RBM26: variants seen among roughly 807,000 people sequenced by gnomAD.
The protein encoded by RBM26 is RNA binding motif protein 26.
In RBM26, 30 loss-of-function variants were observed where a neutral mutation model predicts 123.6. The observed-to-expected ratio is 0.24, with a 90% confidence interval of 0.18 to 0.33. The LOEUF is 0.33. Among genes scored for constraint, RBM26 ranks in the 10% least tolerant of loss-of-function variants. The probability of loss-of-function intolerance (pLI) is 1.00; values close to 1 mark genes in which losing one functional copy is unlikely to be tolerated. For synonymous variants in RBM26, 400 were observed against 404.4 expected (o/e 0.99, Z 0.13); for missense variants, 947 against 1,203.6 (o/e 0.79, Z 3.15).
intron 11 of RBM26, among the ~76,000 whole-genome samples, chr13:79,355,618 A>C (rs2073881275): frequency 6.6e-6 from 1 of 152,224 alleles, no homozygotes; most frequent in Non-Finnish European, 1.5e-5. Flanking sequence ...AGTCGACTGC[A>C]TAAATGTTAC....
At chr13:79,336,282 TTA>T (rs1172518934) in intron 19 of RBM26, among the ~76,000 whole-genome samples, 1 of 152,210 alleles carries the variant, frequency 6.6e-6, no homozygotes, top group Admixed American at 6.5e-5. Context: ...ACTAAAGTAT[TTA>T]TAGTGCTTAA....
intron 1 of RBM26, among the ~76,000 whole-genome samples, chr13:79,386,516 G>C (rs193030644): frequency 7.2e-6 from 1 of 138,954 alleles, no homozygotes; most frequent in Non-Finnish European, 1.5e-5. Context: ...AACAGCAGCA[G>C]CCCAAATGAC....
chr13:79,392,020 T>TATATAATTATATATTATACAATAC (rs1566580331), intron 1 of RBM26, among the ~76,000 whole-genome samples: 1 of 122,800 alleles, frequency 8.1e-6, no homozygotes, highest in Non-Finnish European at 1.7e-5. Context: ...TATTATACAT[T>TATATAATTATATATTATACAATAC]ATTATATAAT....
intron 5 of RBM26, among the ~76,000 whole-genome samples, chr13:79,369,958 T>A (rs2075709507): frequency 6.6e-6 from 1 of 152,124 alleles, no homozygotes; most frequent in African/African-American, 2.4e-5. Context: ...CATCCCTCCT[T>A]TACTCCATTT....
intron 1 of RBM26, among the ~76,000 whole-genome samples, chr13:79,396,377 T>C (rs899247832): frequency 1.5e-4 from 23 of 151,900 alleles, no homozygotes; most frequent in Non-Finnish European, 3.1e-4. Flanking sequence ...AATAGCAAAA[T>C]TGATTAAGAA....
At chr13:79,352,938 G>A (rs553888221) in intron 14 of RBM26, among the ~76,000 whole-genome samples, 75 of 152,172 alleles carry the variant, frequency 4.9e-4, no homozygotes, top group Non-Finnish European at 1.0e-3. Context: ...TGGAGTACAT[G>A]GAAATATAGT....
chr13:79,391,367 A>C (rs1335473144), intron 1 of RBM26, among the ~76,000 whole-genome samples: 2 of 152,236 alleles, frequency 1.3e-5, no homozygotes, highest in Non-Finnish European at 2.9e-5. Context: ...CTACAATAGA[A>C]AATCCAAACC....
exon 5 of RBM26, chr13:79,312,547 T>G (rs538020531): frequency 1.8e-4 from 27 of 152,134 alleles, no homozygotes; most frequent in African/African-American, 6.3e-4. Context: ...CATGGGAATT[T>G]AAAGCAAAGC....
chr13:79,377,361 A>T lies in RBM26; in HGVS notation c.327+18T>A, dbSNP rs770046959. On this transcript the variant is annotated intron_variant, in intron 3 of 21. Transcript: ENST00000438737. ...TATGTGTTTAAATAACCTGTAAGGT[A>T]TTAACACAAATCGTTACCTCTTCCT... The T allele has an allele frequency of 1.6e-5, 26 of 1,606,056 alleles. No individual in the cohort carries two copies. Among genetic ancestry groups the T allele is most frequent in the African/African-American group, 2.7e-5 (2 of 74,752 alleles).
Position 79,366,701 on chromosome 13 carries a change from G to A in RBM26, c.1067C>T (p.Pro356Leu), listed in dbSNP as rs757657138. The change falls in exon 7 of 22, where the codon CCA (proline) becomes CTA (leucine). Residue 356 changes from proline to leucine, a missense_variant. Transcript: ENST00000438737. ...LPPPPPILTP[P>L]PVNLRPPVPP... ...TACTGGGGGCCTGAGATTCACAGGT[G>A]GGGGTGTAAGAATTGGTGGAGGTGG... 1 of 1,609,584 alleles carries A rather than the reference G, an allele frequency of 6.2e-7. No individual in the cohort carries two copies. The highest frequency in any genetic ancestry group is 2.2e-5 in the East Asian group (1 of 44,666).
intron 3 of RBM26, chr13:79,376,718 T>C (rs1284736323): frequency 6.6e-6 from 1 of 152,154 alleles, no homozygotes; most frequent in African/African-American, 2.4e-5. Context: ...AACAGACCAA[T>C]TGTCAACCTA....
chr13:79,324,313 G>A (rs764989810), intron 20 of RBM26, among the ~76,000 whole-genome samples: 1 of 151,536 alleles, frequency 6.6e-6, no homozygotes, highest in Non-Finnish European at 1.5e-5. Context: ...AATATCTCTC[G>A]ATGTCCATAC....
chr13:79,405,059 A>G (rs1319671827), intron 1 of RBM26, among the ~76,000 whole-genome samples: 3 of 152,212 alleles, frequency 2.0e-5, no homozygotes, highest in African/African-American at 7.2e-5. Flanking sequence ...TCAGCACTCT[A>G]ACCGCAGCCC....
Position 79,375,035 on chromosome 13 carries a change from ATTT to A in RBM26, c.327+2341_327+2343del, listed in dbSNP as rs36014800. Among the ~76,000 whole-genome samples, 6 of 137,032 alleles carry A rather than the reference ATTT, an allele frequency of 4.4e-5. No individual in the cohort carries two copies. The East Asian group carries it at 1.2e-3, about 29-fold the overall frequency. The allele number at this position is 137,032 out of a possible 152,430, so 89.9% of individuals were successfully genotyped here. A position where few individuals can be genotyped will look rare whatever the true frequency, so the allele number is the denominator to read the frequency against. The stretch of plus-strand genomic sequence containing the variant: ...TATATATATTATATATATTTTATAC[ATTT>A]TTTATATACTATATATTTATATTTT... On this transcript the variant is annotated intron_variant, in intron 3 of 21. Coordinates refer to ENST00000438737, the MANE Select transcript of RBM26 (RefSeq NM_001366735.2).
intron 3 of RBM26, among the ~76,000 whole-genome samples, chr13:79,372,392 T>G (rs1594447462): frequency 6.6e-6 from 1 of 152,174 alleles, no homozygotes; most frequent in East Asian, 1.9e-4. Context: ...TTAAAATTAG[T>G]TTATATAACG....
chr13:79,390,853 A>G (rs566808057), intron 1 of RBM26, among the ~76,000 whole-genome samples: 2 of 152,212 alleles, frequency 1.3e-5, no homozygotes, highest in Admixed American at 1.3e-4. Context: ...AAAAATGAAC[A>G]TTATTGACAG....
At position 79,337,206 on chromosome 13, in the gene RBM26, C is replaced by T. The variant is rs2070580188; in HGVS notation, c.2629G>A (p.Gly877Arg). 6.2e-7 allele frequency: 1 copy of T among 1,614,006 alleles called. No individual in the cohort carries two copies. Among genetic ancestry groups the T allele is most frequent in the Non-Finnish European group, 8.5e-7 (1 of 1,180,016 alleles). The change falls in exon 19 of 22, where the codon GGG (glycine) becomes AGG (arginine). Residue 877 changes from glycine (G) to arginine (R), a missense_variant. Gly to Arg is a moderately radical substitution (Grantham distance 125). This residue lies in a region of RBM26 where 164 missense variants were observed against 215.3 expected (regional missense o/e 0.76). Coordinates refer to ENST00000438737, the MANE Select transcript of RBM26 (RefSeq NM_001366735.2). The stretch of plus-strand genomic sequence containing the variant: ...ACAGCATGACCAGGCACACCTCGCC[C>T]TCGCCCTCGCCCCCTGCCTCGGCCA... The part of the protein sequence containing the change: ...VHGRGRGRGR[G>R]RGVPGHAVVD...
chr13:79,394,825 G>T (rs2078416458), intron 1 of RBM26, among the ~76,000 whole-genome samples: 1 of 152,056 alleles, frequency 6.6e-6, no homozygotes, highest in South Asian at 2.1e-4. Context: ...GTTTGGACGG[G>T]GTTTCACCAC....
At chr13:79,396,538 G>C (rs1057512272) in intron 1 of RBM26, among the ~76,000 whole-genome samples, 2 of 152,074 alleles carry the variant, frequency 1.3e-5, no homozygotes, top group African/African-American at 2.4e-5. Flanking sequence ...TGTCAAGAGT[G>C]ACACAAGAAG....
Sources: gnomAD v4.1 joint callset for allele counts (sites outside exome capture counted in the v4.1 genomes callset) on GRCh38, gnomAD v4.1.1 for gene constraint, gnomAD v4.1.1 regional missense constraint, MANE v1.5 for transcripts, NCBI Gene and HGNC (gene_info 2026-07-23, HGNC 2026-07-21) for gene names.